Variants in XRN2 observed in about 807,000 individuals in gnomAD.
The protein encoded by XRN2 is DHM1-like protein.
In XRN2, 44 loss-of-function variants were observed where a neutral mutation model predicts 138.5. That is an observed-to-expected ratio of 0.32 (90% CI 0.25 to 0.41). The LOEUF (loss-of-function observed/expected upper bound fraction) is 0.41, where lower values mean the gene tolerates loss of function less well. Among genes scored for constraint, XRN2 ranks in the 10% least tolerant of loss-of-function variants. The pLI, the probability that XRN2 is intolerant of heterozygous loss-of-function variation, is 1.00. For missense variants in XRN2, 937 were observed against 1,169.3 expected, an observed-to-expected ratio of 0.80 and a Z score of 2.90; for synonymous variants, 354 against 369.4, an observed-to-expected ratio of 0.96 and a Z score of 0.48.
intron 27 of XRN2, among the ~76,000 whole-genome samples, chr20:21,371,556 A>G (rs2038761551): frequency 6.6e-6 from 1 of 152,250 alleles, no homozygotes. Context: ...GTATCAAGTC[A>G]TACCATGTAC....
At chr20:21,305,296 C>T (rs890945458) in intron 1 of XRN2, among the ~76,000 whole-genome samples, 10 of 152,304 alleles carry the variant, frequency 6.6e-5, no homozygotes, top group Non-Finnish European at 1.2e-4. Context: ...CTCGCTATGT[C>T]TCTTAGGCTG....
chr20:21,327,008 T>C (rs1568572815), intron 3 of XRN2, among the ~76,000 whole-genome samples: 2 of 152,094 alleles, frequency 1.3e-5, no homozygotes, highest in Non-Finnish European at 2.9e-5. Flanking sequence ...TCTTTAACAA[T>C]GAAGAATAAT....
chr20:21,343,265 A>G (rs553376350), intron 15 of XRN2, among the ~76,000 whole-genome samples: 1 of 152,100 alleles, frequency 6.6e-6, no homozygotes, highest in South Asian at 2.1e-4. Context: ...AAGTTGCAGA[A>G]CATTTTCTTT....
At chr20:21,334,750 A>G (rs2038262305) in intron 13 of XRN2, among the ~76,000 whole-genome samples, 1 of 152,198 alleles carries the variant, frequency 6.6e-6, no homozygotes, top group African/African-American at 2.4e-5. Flanking sequence ...GCAGTTAGGA[A>G]TTTGCTGGTG....
intron 1 of XRN2, among the ~76,000 whole-genome samples, chr20:21,311,608 AT>A (rs2037881920): frequency 6.6e-6 from 1 of 152,160 alleles, no homozygotes; most frequent in Non-Finnish European, 1.5e-5. Flanking sequence ...GGATCATGTA[AT>A]TCTGTGTTTA....
chr20:21,379,033 C>T (rs969065825), intron 27 of XRN2, among the ~76,000 whole-genome samples: 1 of 152,170 alleles, frequency 6.6e-6, no homozygotes, highest in Non-Finnish European at 1.5e-5. Context: ...GTCAATTAGC[C>T]ACGTTGAAAA....
Position 21,371,612 on chromosome 20 carries a change from A to G in XRN2, c.2584+3022A>G, listed in dbSNP as rs527899817. Among the ~76,000 whole-genome samples the G allele has an allele frequency of 3.3e-5, 5 of 152,344 alleles. No individual in the cohort carries two copies. In the South Asian group the frequency reaches 1.0e-3, roughly 32 times the overall value. On this transcript the variant is annotated intron_variant, in intron 27 of 29. Coordinates refer to ENST00000377191, the MANE Select transcript of XRN2 (RefSeq NM_012255.5). ...TTGAAGGAGCTATCTTTGCCCTAAGATTTTACTAATAAATGGTGAAAGCAT... is the reference window on the plus strand; with the variant it reads ...TTGAAGGAGCTATCTTTGCCCTAAGGTTTTACTAATAAATGGTGAAAGCAT...
intron 29 of XRN2, among the ~76,000 whole-genome samples, chr20:21,387,883 T>C (rs1015207307): frequency 2.0e-5 from 3 of 152,248 alleles, no homozygotes; most frequent in African/African-American, 7.2e-5. Context: ...TTGTATGTTT[T>C]TTGATGTATT....
rs1180206108 is a variant in XRN2, at chr20:21,305,553, C to CTTTTTTTTT, written c.75+2095_75+2103dup. ...ACAGGCATGAGCCACCATACGTGGCCTTTTTTTTTTTTTTTTTTTTTTTGG... is the reference window on the plus strand; with the variant it reads ...ACAGGCATGAGCCACCATACGTGGCCTTTTTTTTTTTTTTTTTTTTTTTTTTTTTTTTGG... On this transcript the variant is annotated intron_variant, in intron 1 of 29. Transcript: ENST00000377191. Among the ~76,000 whole-genome samples the CTTTTTTTTT allele has an allele frequency of 1.6e-3, 32 of 19,838 alleles. 2 individuals carry two copies. The highest frequency in any genetic ancestry group is 2.9e-3 in the African/African-American group (29 of 10,158). 13.0% of individuals were successfully genotyped at this position (19,838 alleles called of 152,430 possible). A position where few individuals can be genotyped will look rare whatever the true frequency, so the allele number is the denominator to read the frequency against.
At chr20:21,311,448 A>G (rs1225321601) in intron 1 of XRN2, among the ~76,000 whole-genome samples, 6 of 152,124 alleles carry the variant, frequency 3.9e-5, no homozygotes, top group Non-Finnish European at 5.9e-5. Flanking sequence ...CTCCCATTGT[A>G]TATGGGAGTA....
intron 3 of XRN2, among the ~76,000 whole-genome samples, chr20:21,328,192 A>G (rs2038154251): frequency 6.6e-6 from 1 of 152,228 alleles, no homozygotes; most frequent in African/African-American, 2.4e-5. Context: ...GTAACTGCTC[A>G]TCAGATGTTG....
At chr20:21,306,011 A>G (rs2037810979) in intron 1 of XRN2, among the ~76,000 whole-genome samples, 1 of 74,266 alleles carries the variant, frequency 1.3e-5, no homozygotes. Context: ...TGGCCTCCTT[A>G]TTCTTAATTC....
At chr20:21,369,278 G>A (rs1428956734) in intron 27 of XRN2, among the ~76,000 whole-genome samples, 1 of 152,174 alleles carries the variant, frequency 6.6e-6, no homozygotes, top group Non-Finnish European at 1.5e-5. Flanking sequence ...GTACTCCATT[G>A]TGTATATGTA....
At chr20:21,338,995 A>T in intron 13 of XRN2, 49 bp from the exon 14 acceptor site, 2 of 1,553,372 alleles carry the variant, frequency 1.3e-6, no homozygotes. Flanking sequence ...CTTAACTCTG[A>T]CATTTTTGTG....
At chr20:21,380,604 C>T (rs1249664763) in intron 27 of XRN2, among the ~76,000 whole-genome samples, 1 of 152,144 alleles carries the variant, frequency 6.6e-6, no homozygotes, top group East Asian at 1.9e-4. Flanking sequence ...CATTGTTACT[C>T]GGTTTGACTG....
At chr20:21,339,206 G>A in intron 14 of XRN2, 118 bp downstream of exon 14, 2 of 969,100 alleles carry the variant, frequency 2.1e-6, no homozygotes, top group Non-Finnish European at 3.1e-6. Flanking sequence ...GGACGTAAGT[G>A]TCCACCCAGT....
At position 21,354,851 on chromosome 20, in the gene XRN2, C is replaced by G; in HGVS notation, c.1999C>G (p.Pro667Ala). 6.2e-7 allele frequency: 1 copy of G among 1,613,680 alleles called. No homozygotes were observed. Reference protein sequence around the residue: ...RLRAALEEVYPDLTPEETRRN... With the variant: ...RLRAALEEVYADLTPEETRRN... Reference sequence around the variant, plus strand: ...ACGAGCTGCCCTAGAAGAGGTATACCCAGACCTCACTCCAGAAGAGAGTAA... The same window carrying G: ...ACGAGCTGCCCTAGAAGAGGTATACGCAGACCTCACTCCAGAAGAGAGTAA... The change falls in exon 21 of 30, where the codon CCA becomes GCA. Residue 667 changes from proline (P) to alanine (A), a missense_variant. Physicochemically the swap from Pro to Ala is conservative, Grantham distance 27 (BLOSUM62 -1). Around this residue, in one of 6 missense-constraint regions of XRN2, gnomAD observed 372 missense variants for 414.4 expected, o/e 0.90. Transcript: ENST00000377191.
Position 21,331,605 on chromosome 20 carries a change from A to G in XRN2, c.621A>G (p.Lys207=). 1 of 1,612,908 alleles carries G rather than the reference A, an allele frequency of 6.2e-7. No individual in the cohort carries two copies. The highest frequency in any genetic ancestry group is 8.5e-7 in the Non-Finnish European group (1 of 1,179,824). Residue 207 remains lysine (K), a synonymous_variant, in exon 7 of 30, where the codon AAA becomes AAG. Transcript: ENST00000377191. ...DASAPGEGEH[K]IMDYIRRQRA... is the part of the protein sequence containing the mutation. Reference sequence around the variant, plus strand: ...GTGCTCCTGGTGAAGGAGAACATAAAATCATGGATTACATTAGAAGGCAAA... The same window carrying G: ...GTGCTCCTGGTGAAGGAGAACATAAGATCATGGATTACATTAGAAGGCAAA...
chr20:21,373,012 C>A (rs200911433), intron 27 of XRN2, among the ~76,000 whole-genome samples: 2 of 151,248 alleles, frequency 1.3e-5, no homozygotes, highest in Non-Finnish European at 3.0e-5. Context: ...TTTTCTTTTT[C>A]TTTTTTTTTG....
Sources: gnomAD v4.1 joint callset for allele counts (sites outside exome capture counted in the v4.1 genomes callset) on GRCh38, gnomAD v4.1.1 for gene constraint, gnomAD v4.1.1 regional missense constraint, MANE v1.5 for transcripts, NCBI Gene and HGNC (gene_info 2026-07-23, HGNC 2026-07-21) for gene names.